The following SNTG2 variants were observed in gnomAD, a reference collection of about 807,000 sequenced individuals.
SNTG2 encodes the protein gamma-2-syntrophin.
Under a neutral mutation model 70.9 loss-of-function variants are expected in SNTG2, and 74 were observed. That is an observed-to-expected ratio of 1.04 (90% confidence interval 0.86 to 1.27). The LOEUF is 1.27. Ranked by LOEUF, SNTG2 falls within the 50% of genes most tolerant of loss-of-function variation. The pLI, the probability that SNTG2 is intolerant of heterozygous loss-of-function variation, is 0.00. For missense variants in SNTG2, 717 were observed against 690.7 expected (o/e 1.04, Z -0.43); for synonymous variants, 278 against 273.8 (o/e 1.02, Z -0.15).
intron 6 of SNTG2, among the ~76,000 whole-genome samples, chr2:1,158,787 T>C (rs1670071810): frequency 6.6e-6 from 1 of 152,188 alleles, no homozygotes; most frequent in South Asian, 2.1e-4. Context: ...AGCGCTGTCG[T>C]TGCCAATCGT....
At chr2:1,102,415 A>G (rs1665836718) in intron 4 of SNTG2, 1 of 152,198 alleles carries the variant, frequency 6.6e-6, no homozygotes, top group Admixed American at 6.5e-5. Flanking sequence ...GATTTTGGTG[A>G]ATTTGTAGAT....
intron 1 of SNTG2, among the ~76,000 whole-genome samples, chr2:1,002,101 C>G (rs537810236): frequency 6.6e-6 from 1 of 151,984 alleles, no homozygotes; most frequent in African/African-American, 2.4e-5. Flanking sequence ...TCACCATATA[C>G]GAAAGTTAAC....
chr2:1,036,118 C>G (rs561835270), intron 1 of SNTG2, among the ~76,000 whole-genome samples: 9 of 152,068 alleles, frequency 5.9e-5, no homozygotes, highest in Non-Finnish European at 1.5e-5. Flanking sequence ...TTTTAACTTA[C>G]GGTTTATTAG....
chr2:1,342,168 G>A (rs971702325), intron 16 of SNTG2, among the ~76,000 whole-genome samples: 1 of 152,342 alleles, frequency 6.6e-6, no homozygotes, highest in South Asian at 2.1e-4. Context: ...AGACCTCAGG[G>A]CAGGGATCTC....
intron 9 of SNTG2, among the ~76,000 whole-genome samples, chr2:1,217,773 T>C (rs1388954582): frequency 1.3e-5 from 2 of 152,202 alleles, no homozygotes; most frequent in Non-Finnish European, 2.9e-5. Context: ...GCATTGTTGA[T>C]GGGGTGGCCA....
chr2:1,198,084 T>C lies in SNTG2; in HGVS notation c.592-11019T>C, dbSNP rs143656853. Among the ~76,000 whole-genome samples the C allele has an allele frequency of 1.0e-3, 152 of 152,184 alleles. 1 individual carries two copies. Among genetic ancestry groups the C allele is most frequent in the African/African-American group, 3.6e-3 (148 of 41,512 alleles). On this transcript the variant is annotated intron_variant, in intron 8 of 16. Transcript: ENST00000308624. ...ATCAGCACACAGAACTTTGCTGGGATAGATCATACATTAGGCCACAAAAAA... is the reference window on the plus strand; with the variant it reads ...ATCAGCACACAGAACTTTGCTGGGACAGATCATACATTAGGCCACAAAAAA...
At chr2:1,265,374 C>T (rs1678667082) in intron 13 of SNTG2, among the ~76,000 whole-genome samples, 1 of 152,230 alleles carries the variant, frequency 6.6e-6, no homozygotes, top group Non-Finnish European at 1.5e-5. Context: ...ACATACATTT[C>T]CACACATACA....
intron 16 of SNTG2, among the ~76,000 whole-genome samples, chr2:1,342,020 TTC>T (rs1299109299): frequency 6.6e-6 from 1 of 152,134 alleles, no homozygotes; most frequent in African/African-American, 2.4e-5. Flanking sequence ...CTGTTTTATT[TTC>T]TTTTAATGAA....
intron 4 of SNTG2, among the ~76,000 whole-genome samples, chr2:1,099,403 C>T (rs143728674): frequency 1.0e-3 from 152 of 152,310 alleles, no homozygotes; most frequent in African/African-American, 3.3e-3. Flanking sequence ...TCTCCACGCT[C>T]CACCAGAAAT....
At chr2:1,217,974 G>A (rs772137299) in intron 9 of SNTG2, among the ~76,000 whole-genome samples, 3 of 151,940 alleles carry the variant, frequency 2.0e-5, no homozygotes, top group Non-Finnish European at 2.9e-5. Context: ...CCAAGGTGTC[G>A]GCTGGGCTGT....
At chr2:985,283 A>G (rs955725482) in intron 1 of SNTG2, among the ~76,000 whole-genome samples, 2 of 152,074 alleles carry the variant, frequency 1.3e-5, no homozygotes, top group Non-Finnish European at 2.9e-5. Context: ...AAACAGAAAG[A>G]CAAGTTGATT....
intron 14 of SNTG2, among the ~76,000 whole-genome samples, chr2:1,275,032 T>C (rs1052298823): frequency 2.0e-5 from 3 of 152,222 alleles, no homozygotes; most frequent in Non-Finnish European, 4.4e-5. Flanking sequence ...GGGCCAAATA[T>C]GAAGTGTGTC....
chr2:1,321,268 A>T (rs2148271072), intron 16 of SNTG2, among the ~76,000 whole-genome samples: 1 of 152,332 alleles, frequency 6.6e-6, no homozygotes, highest in South Asian at 2.1e-4. Flanking sequence ...ATATCCATGA[A>T]GCAGAGGTTG....
chr2:1,161,743 A>T (rs1335873472), intron 6 of SNTG2: 1 of 152,258 alleles, frequency 6.6e-6, no homozygotes, highest in Non-Finnish European at 1.5e-5. Context: ...GGATTAAAAA[A>T]TAATAATAAA....
intron 16 of SNTG2, among the ~76,000 whole-genome samples, chr2:1,324,234 A>G (rs1369162061): frequency 6.6e-6 from 1 of 152,178 alleles, no homozygotes. Context: ...CCAGTAGCTG[A>G]GTTGGGACAG....
intron 4 of SNTG2, among the ~76,000 whole-genome samples, chr2:1,100,617 C>G (rs1248848373): frequency 6.6e-6 from 1 of 152,178 alleles, no homozygotes; most frequent in Admixed American, 6.5e-5. Flanking sequence ...GTGGGTCCAC[C>G]GTTGCTGTGT....
intron 1 of SNTG2, among the ~76,000 whole-genome samples, chr2:1,032,577 T>G (rs181914151): frequency 1.3e-5 from 2 of 152,326 alleles, no homozygotes; most frequent in Non-Finnish European, 2.9e-5. Context: ...ATGCCCAAGA[T>G]GTCTGCAAAA....
intron 15 of SNTG2, among the ~76,000 whole-genome samples, chr2:1,314,856 C>T (rs143281139): frequency 2.5e-4 from 38 of 152,252 alleles, no homozygotes; most frequent in African/African-American, 9.1e-4. Context: ...TGCAGGGGAA[C>T]TGCCCCTTAT....
At chr2:1,093,581 T>C (rs1572412073) in intron 2 of SNTG2, among the ~76,000 whole-genome samples, 1 of 152,386 alleles carries the variant, frequency 6.6e-6, no homozygotes, top group South Asian at 2.1e-4. Flanking sequence ...AATGTTCATT[T>C]CTAAAAGTGT....
Sources: gnomAD v4.1 joint callset for allele counts (sites outside exome capture counted in the v4.1 genomes callset) on GRCh38, gnomAD v4.1.1 for gene constraint, MANE v1.5 for transcripts, NCBI Gene and HGNC (gene_info 2026-07-23, HGNC 2026-07-21) for gene names.